DOP1B: variants seen among roughly 807,000 people sequenced by gnomAD.
The protein encoded by DOP1B is DOP1 leucine zipper like protein B.
DOP1B carries 174 observed loss-of-function variants against 233.5 expected under a neutral mutation model. The observed-to-expected ratio is 0.75, with a 90% confidence interval of 0.66 to 0.85. The LOEUF is 0.85. DOP1B is among the 40% of genes least tolerant of loss of function. DOP1B has a pLI of 0.00. For missense variants in DOP1B, 2,652 were observed against 2,846.6 expected (o/e 0.93, Z 1.56); for synonymous variants, 1,190 against 1,185.6 (o/e 1.00, Z -0.08).
In DOP1B at chr21:36,230,763, C is replaced by T; in HGVS notation, c.1979C>T (p.Ala660Val). The T allele has an allele frequency of 6.2e-7, 1 of 1,614,160 alleles. No individual in the cohort carries two copies. The highest frequency in any genetic ancestry group is 8.5e-7 in the Non-Finnish European group (1 of 1,180,028). Residue 660 changes from alanine to valine, a missense_variant, in exon 14 of 37, where the codon GCA becomes GTA. Ala to Val is a moderately conservative substitution (Grantham distance 64, BLOSUM62 0). This residue lies in a region of DOP1B where 2,617 missense variants were observed against 2,794.3 expected (regional missense o/e 0.94). Transcript: ENST00000691173. ...SGEESKSEEP[A>V]GKRDRDGTQS... ...GAAGAAAGCAAGTCCGAGGAGCCTG[C>T]AGGGAAGAGGGACAGGGATGGGACG...
intron 23 of DOP1B, among the ~76,000 whole-genome samples, chr21:36,256,869 A>G (rs1052514280): frequency 2.6e-5 from 4 of 152,168 alleles, no homozygotes; most frequent in African/African-American, 7.2e-5. Flanking sequence ...CAAGCAAGCA[A>G]TTGATTCCGC....
rs367909428 is a variant in DOP1B at position 36,248,263 on chromosome 21, G to C, written c.4810-117G>C. The C allele has an allele frequency of 3.9e-5, 38 of 986,178 alleles. No homozygotes were observed. The African/African-American group carries it at 4.9e-4, about 13-fold the overall frequency. 61.1% of individuals were successfully genotyped at this position (986,178 alleles called of 1,614,324 possible). A position where few individuals can be genotyped will look rare whatever the true frequency, so the allele number is the denominator to read the frequency against. On this transcript the variant is annotated intron_variant, in intron 20 of 36. Coordinates refer to ENST00000691173, the MANE Select transcript of DOP1B (RefSeq NM_001320714.2). ...TGCTCCCAGACCACCACATGTATGA[G>C]TTGCTTAGAAGAGAGTCCAACAGCC...
At chr21:36,290,625 T>A (rs2067545203) in intron 35 of DOP1B, among the ~76,000 whole-genome samples, 1 of 152,098 alleles carries the variant, frequency 6.6e-6, no homozygotes, top group South Asian at 2.1e-4. Context: ...AATCCATCTC[T>A]ACTAAAAATA....
chr21:36,273,946 C>T (rs2067320314), intron 27 of DOP1B, among the ~76,000 whole-genome samples: 1 of 151,996 alleles, frequency 6.6e-6, no homozygotes, highest in South Asian at 2.1e-4. Flanking sequence ...GGTGTGGTGG[C>T]AGGTACCTGT....
chr21:36,265,681 G>A (rs528913175), intron 26 of DOP1B, among the ~76,000 whole-genome samples: 128 of 152,220 alleles, frequency 8.4e-4, no homozygotes, highest in African/African-American at 1.7e-3. Context: ...TTTTGGTTGC[G>A]GGGACCAGGT....
Position 36,230,457 on chromosome 21 carries a change from T to TA in DOP1B, c.1677dup (p.Gly560ArgfsTer2). On this transcript the variant is annotated frameshift_variant, in exon 14 of 37. Coordinates refer to ENST00000691173, the MANE Select transcript of DOP1B (RefSeq NM_001320714.2). LOFTEE classifies it high-confidence loss of function. ...TCTTTTTATTTTTTACAGAGTCCAG[T>TA]AAAAGGTGAAAACGGCAAAATAATT... The TA allele has an allele frequency of 6.2e-7, 1 of 1,607,718 alleles. No homozygotes were observed. The highest frequency in any genetic ancestry group is 8.5e-7 in the Non-Finnish European group (1 of 1,174,646).
Position 36,253,630 on chromosome 21 carries a change from C to T in DOP1B, c.5122-142C>T, listed in dbSNP as rs1248340070. 2.9e-5 allele frequency: 27 copies of T among 926,352 alleles called. No homozygotes were observed. In the East Asian group the frequency reaches 5.1e-4, roughly 18 times the overall value. 57.4% of individuals were successfully genotyped at this position (926,352 alleles called of 1,614,324 possible). On this transcript the variant is annotated intron_variant, in intron 22 of 36. Transcript: ENST00000691173. ...TCCAGCCTGGGTGACAGAGTGAGACCGTGTTTCAAAAAAAAAAAAAAAGAG... is the reference window on the plus strand; with the variant it reads ...TCCAGCCTGGGTGACAGAGTGAGACTGTGTTTCAAAAAAAAAAAAAAAGAG...
At chr21:36,251,486 C>A (rs1434356265) in intron 22 of DOP1B, among the ~76,000 whole-genome samples, 1 of 152,186 alleles carries the variant, frequency 6.6e-6, no homozygotes, top group African/African-American at 2.4e-5. Flanking sequence ...GTGGTGCGAT[C>A]TTGGCTCACT....
intron 4 of DOP1B, among the ~76,000 whole-genome samples, chr21:36,201,874 A>G (rs1253749114): frequency 6.6e-6 from 1 of 151,884 alleles, no homozygotes; most frequent in African/African-American, 2.4e-5. Context: ...AATGGGAGAA[A>G]GTGTGAATCT....
At chr21:36,181,771 A>C (rs890482937) in intron 2 of DOP1B, among the ~76,000 whole-genome samples, 2 of 152,156 alleles carry the variant, frequency 1.3e-5, no homozygotes, top group South Asian at 4.1e-4. Context: ...CTGCAGCCCT[A>C]ACTGAAGAAG....
At position 36,251,146 on chromosome 21, in the gene DOP1B, TTTC is replaced by T. The variant is rs1569051671; in HGVS notation, c.4999-15_4999-13del. ...CAATATTACTCTGCAGTAACTTTTT[TTTC>T]CCTATTTTCTAGACCATAAGACAAA... On this transcript the variant is annotated splice_polypyrimidine_tract_variant and intron_variant, in intron 21 of 36. Coordinates refer to ENST00000691173, the MANE Select transcript of DOP1B (RefSeq NM_001320714.2). The T allele has an allele frequency of 1.2e-6, 2 of 1,601,046 alleles. No homozygotes were observed. The highest frequency in any genetic ancestry group is 1.8e-5 in the Admixed American group (1 of 55,542).
chr21:36,189,720 G>T (rs1314363939), intron 2 of DOP1B, among the ~76,000 whole-genome samples: 2 of 148,606 alleles, frequency 1.3e-5, no homozygotes, highest in Non-Finnish European at 3.0e-5. Flanking sequence ...AAAAAAAAAT[G>T]GGATTTTGGG....
At chr21:36,180,593 A>G (rs1333538869) in intron 2 of DOP1B, among the ~76,000 whole-genome samples, 3 of 102,984 alleles carry the variant, frequency 2.9e-5, no homozygotes, top group Non-Finnish European at 6.0e-5. Flanking sequence ...AAAGAAAAAA[A>G]ATTGTGGCTG....
At chr21:36,168,690 C>T (rs1279094467) in intron 2 of DOP1B, among the ~76,000 whole-genome samples, 1 of 151,968 alleles carries the variant, frequency 6.6e-6, no homozygotes, top group Non-Finnish European at 1.5e-5. Flanking sequence ...CCATGCCTGG[C>T]TAATTTTTTA....
rs1399008902 is a variant in DOP1B at position 36,232,786 on chromosome 21, CG to C, written c.2351-16del. The C allele has an allele frequency of 6.2e-7, 1 of 1,611,426 alleles. No homozygotes were observed. Among genetic ancestry groups the C allele is most frequent in the African/African-American group, 1.3e-5 (1 of 74,742 alleles). On this transcript the variant is annotated splice_polypyrimidine_tract_variant and intron_variant, in intron 14 of 36. Transcript: ENST00000691173. ...GTGGTTCTGCTTGTTTCTGCCTCTC[CG>C]GCTGGCTTCCTTTCAGGAGCCGGTG...
At chr21:36,158,549 TA>T (rs1448924980) in intron 1 of DOP1B, among the ~76,000 whole-genome samples, 28 of 152,262 alleles carry the variant, frequency 1.8e-4, no homozygotes, top group Admixed American at 1.8e-3. Flanking sequence ...CTCACACCTG[TA>T]ATCCCAGCAC....
chr21:36,283,253 G>C (rs2067439271), intron 32 of DOP1B, among the ~76,000 whole-genome samples: 1 of 151,728 alleles, frequency 6.6e-6, no homozygotes. Context: ...GCTAATTTTT[G>C]AATTTTTTTA....
At chr21:36,269,275 C>T (rs777921936) in intron 26 of DOP1B, among the ~76,000 whole-genome samples, 1 of 152,084 alleles carries the variant, frequency 6.6e-6, no homozygotes, top group Non-Finnish European at 1.5e-5. Context: ...CTTGCCTCAG[C>T]CTCCAAAGTA....
At chr21:36,261,916 G>A (rs927628877) in intron 24 of DOP1B, 127 of 977,022 alleles carry the variant, frequency 1.3e-4, no homozygotes, top group Non-Finnish European at 1.5e-4. Flanking sequence ...ATCTCAAAAA[G>A]GAAAAAAAAT....
Sources: gnomAD v4.1 joint callset for allele counts (sites outside exome capture counted in the v4.1 genomes callset) on GRCh38, gnomAD v4.1.1 for gene constraint, gnomAD v4.1.1 regional missense constraint, MANE v1.5 for transcripts, NCBI Gene and HGNC (gene_info 2026-07-23, HGNC 2026-07-21) for gene names.